LIN28B: variants seen among roughly 807,000 people sequenced by gnomAD.
The protein encoded by LIN28B is lin-28 RNA binding posttranscriptional regulator B.
LIN28B carries 5 observed loss-of-function variants against 21.9 expected under a neutral mutation model. That is an observed-to-expected ratio of 0.23 (90% CI 0.12 to 0.48). The LOEUF is 0.48. Ranked by LOEUF, LIN28B falls within the 20% of genes least tolerant of loss-of-function variation. The pLI is 0.98. For synonymous variants in LIN28B, 109 were observed against 111.3 expected (o/e 0.98, Z 0.13); for missense variants, 245 against 310.5 (o/e 0.79, Z 1.58).
At chr6:105,065,705 T>C (rs959752065) in intron 3 of LIN28B, among the ~76,000 whole-genome samples, 5 of 152,240 alleles carry the variant, frequency 3.3e-5, no homozygotes, top group Non-Finnish European at 1.5e-5. Flanking sequence ...TAGTCTTCTT[T>C]TGGCTCTTGC....
intron 3 of LIN28B, among the ~76,000 whole-genome samples, chr6:105,075,030 A>G (rs1772399284): frequency 6.6e-6 from 1 of 152,214 alleles, no homozygotes; most frequent in East Asian, 1.9e-4. Context: ...TTTGTAATGC[A>G]TGAGAAAATA....
At chr6:104,978,175 G>T (rs1582875337) in intron 2 of LIN28B, among the ~76,000 whole-genome samples, 1 of 152,098 alleles carries the variant, frequency 6.6e-6, no homozygotes, top group African/African-American at 2.4e-5. Context: ...CTTTTTTTCA[G>T]TGGAAAAGAT....
At chr6:105,076,480 AGTTT>A (rs1322808609) in intron 3 of LIN28B, among the ~76,000 whole-genome samples, 13 of 152,226 alleles carry the variant, frequency 8.5e-5, no homozygotes. Context: ...GTACCTTAGT[AGTTT>A]GTCTATGAAA....
chr6:105,018,038 T>C (rs765085868), intron 2 of LIN28B, among the ~76,000 whole-genome samples: 5 of 152,220 alleles, frequency 3.3e-5, no homozygotes, highest in Non-Finnish European at 7.3e-5. Context: ...TTTGGGAGGC[T>C]GAGGCAGGAG....
chr6:105,004,191 C>T (rs1436686393), intron 2 of LIN28B, among the ~76,000 whole-genome samples: 1 of 152,142 alleles, frequency 6.6e-6, no homozygotes, highest in African/African-American at 2.4e-5. Context: ...AGATGGTGAC[C>T]ACCCAGATTA....
intron 2 of LIN28B, 91 bp downstream of exon 2, chr6:104,958,377 C>T: frequency 9.6e-7 from 1 of 1,044,944 alleles, no homozygotes; most frequent in Non-Finnish European, 1.4e-6. Flanking sequence ...ATAAGATGTC[C>T]TTCGGTATAT....
chr6:104,976,056 G>T (rs1744206), intron 2 of LIN28B, among the ~76,000 whole-genome samples: 1 of 151,774 alleles, frequency 6.6e-6, no homozygotes, highest in Non-Finnish European at 1.5e-5. Context: ...TGAGCCAGCA[G>T]TGTCACCCCA....
At chr6:104,957,399 A>C in intron 1 of LIN28B, 139 bp downstream of exon 1, 1 of 541,976 alleles carries the variant, frequency 1.8e-6, no homozygotes, top group Non-Finnish European at 3.1e-6. Context: ...ACCCCCCATC[A>C]CGCAGTGGGG....
intron 2 of LIN28B, among the ~76,000 whole-genome samples, chr6:105,021,402 T>C (rs1234860957): frequency 6.6e-6 from 1 of 152,228 alleles, no homozygotes. Flanking sequence ...GATTGCTAAA[T>C]CGAATAGTAA....
At chr6:105,030,106 G>C (rs750676891) in intron 3 of LIN28B, among the ~76,000 whole-genome samples, 8 of 152,136 alleles carry the variant, frequency 5.3e-5, no homozygotes, top group Non-Finnish European at 8.8e-5. Context: ...ATTAAGCTAA[G>C]GGTGTCCATA....
intron 3 of LIN28B, among the ~76,000 whole-genome samples, chr6:105,070,685 T>TAG (rs914557191): frequency 4.4e-5 from 6 of 136,986 alleles, no homozygotes; most frequent in Non-Finnish European, 7.8e-5. Context: ...GAGTCTGAGG[T>TAG]AGAGGATGAT....
intron 2 of LIN28B, among the ~76,000 whole-genome samples, chr6:104,946,924 G>A (rs1451995919): frequency 6.6e-6 from 1 of 152,108 alleles, no homozygotes; most frequent in South Asian, 2.1e-4. Context: ...AATAAGTAAT[G>A]AAATAATTTT....
intron 2 of LIN28B, among the ~76,000 whole-genome samples, chr6:104,978,879 A>AG (rs1770161417): frequency 6.6e-6 from 1 of 152,152 alleles, no homozygotes; most frequent in Non-Finnish European, 1.5e-5. Flanking sequence ...CCCCAATATA[A>AG]GGGGCTTAGA....
intron 2 of LIN28B, among the ~76,000 whole-genome samples, chr6:104,971,069 C>A (rs1769968121): frequency 6.6e-6 from 1 of 151,982 alleles, no homozygotes; most frequent in Admixed American, 6.6e-5. Flanking sequence ...TGTTTAAATT[C>A]TATTTTAGTG....
intron 3 of LIN28B, among the ~76,000 whole-genome samples, chr6:105,058,930 T>C (rs756211591): frequency 6.6e-6 from 1 of 152,174 alleles, no homozygotes; most frequent in African/African-American, 2.4e-5. Context: ...AAAGAATATA[T>C]AGTACATGGC....
At chr6:104,955,044 T>C (rs1376840727), upstream of LIN28B, among the ~76,000 whole-genome samples, 2 of 152,216 alleles carry the variant, frequency 1.3e-5, no homozygotes, top group African/African-American at 2.4e-5. Context: ...ATGAATACTT[T>C]CTGAGATTTT....
Position 104,957,131 on chromosome 6 carries a change from C to T in LIN28B, c.-120C>T. The T allele has an allele frequency of 6.2e-7, 1 of 1,608,372 alleles. No individual in the cohort carries two copies. Among genetic ancestry groups the T allele is most frequent in the Non-Finnish European group, 8.5e-7 (1 of 1,177,222 alleles). On this transcript the variant is annotated 5_prime_UTR_variant, in exon 1 of 4. Coordinates refer to ENST00000345080, the MANE Select transcript of LIN28B (RefSeq NM_001004317.4). ...TCAAAAGAAGGAAAGCACATTAGAC[C>T]ATGCGAGCTAAATTTGTGATCGCAC... is the stretch of plus-strand genomic sequence containing the variant.
At chr6:104,964,267 A>T (rs1769811929) in intron 2 of LIN28B, among the ~76,000 whole-genome samples, 1 of 152,190 alleles carries the variant, frequency 6.6e-6, no homozygotes, top group African/African-American at 2.4e-5. Context: ...GTCTCAAGAG[A>T]TACTCCCTCC....
intron 3 of LIN28B, among the ~76,000 whole-genome samples, chr6:105,046,413 T>C (rs1307847477): frequency 6.6e-6 from 1 of 152,236 alleles, no homozygotes; most frequent in Non-Finnish European, 1.5e-5. Flanking sequence ...ATCCAGTCTA[T>C]CATTGATGGA....
Sources: allele counts gnomAD v4.1 joint callset (sites outside exome capture counted in the v4.1 genomes callset), GRCh38; gene constraint gnomAD v4.1.1; transcripts MANE v1.5; gene names NCBI Gene and HGNC (gene_info 2026-07-23, HGNC 2026-07-21).